NRXN3: variants seen among roughly 807,000 people sequenced by gnomAD.
NRXN3 encodes the protein neurexin III.
Under a neutral mutation model 137.6 loss-of-function variants are expected in NRXN3, and 32 were observed. That is an observed-to-expected ratio of 0.23 (90% CI 0.18 to 0.31). The LOEUF (loss-of-function observed/expected upper bound fraction) is 0.31, where lower values mean the gene tolerates loss of function less well. Ranked by LOEUF, NRXN3 falls within the 10% of genes least tolerant of loss-of-function variation. The pLI is 1.00. For synonymous variants in NRXN3, 798 were observed against 784.5 expected (o/e 1.02, Z -0.29); for missense variants, 1,574 against 2,062.5 (o/e 0.76, Z 4.59).
At chr14:78,551,243 T>C (rs1449306505) in intron 4 of NRXN3, among the ~76,000 whole-genome samples, 1 of 152,250 alleles carries the variant, frequency 6.6e-6, no homozygotes, top group African/African-American at 2.4e-5. Context: ...CAAGACTTGC[T>C]GTATTCCTAT....
At chr14:79,699,819 T>C (rs1555641352) in intron 19 of NRXN3, among the ~76,000 whole-genome samples, 1 of 151,990 alleles carries the variant, frequency 6.6e-6, no homozygotes, top group Non-Finnish European at 1.5e-5. Context: ...TGCTTTTCCT[T>C]TTACTTCCAC....
intron 4 of NRXN3, among the ~76,000 whole-genome samples, chr14:78,495,084 C>CT (rs5809891): frequency 0.059 from 6,878 of 115,816 alleles, 212 homozygotes; most frequent in Middle Eastern, 0.087. Flanking sequence ...ATATTCTTGA[C>CT]TTTTTTTTTT....
At chr14:79,673,488 A>C (rs959613281) in intron 17 of NRXN3, among the ~76,000 whole-genome samples, 20 of 152,100 alleles carry the variant, frequency 1.3e-4, no homozygotes, top group African/African-American at 4.8e-4. Context: ...GCTAGCAAAA[A>C]ATTTATATTG....
chr14:78,483,654 A>G (rs2192416), intron 4 of NRXN3, among the ~76,000 whole-genome samples: 125,937 of 152,174 alleles, frequency 0.83, 54,136 homozygotes, highest in Non-Finnish European at 0.94. Flanking sequence ...CCTCTTTCCA[A>G]TGGCATAGAG....
In NRXN3 at chr14:78,279,878, T is replaced by A. The variant is rs578101751; in HGVS notation, c.727+1216T>A. On this transcript the variant is annotated intron_variant, in intron 3 of 20. Transcript: ENST00000335750. ...AAATGTCTAAAATAATCAACCAGAC[T>A]TAAGTAGGGTTCTTCTGATCATTGT... Among the ~76,000 whole-genome samples the A allele has an allele frequency of 3.3e-5, 5 of 152,326 alleles. No homozygotes were observed. In the South Asian group the frequency reaches 8.3e-4, roughly 25 times the overall value.
At chr14:78,216,968 C>T (rs1377984495) in intron 1 of NRXN3, among the ~76,000 whole-genome samples, 1 of 152,166 alleles carries the variant, frequency 6.6e-6, no homozygotes, top group African/African-American at 2.4e-5. Context: ...ATTAGATTTG[C>T]AGCCCGGCCT....
At chr14:79,464,856 A>C (rs1430237221) in intron 15 of NRXN3, among the ~76,000 whole-genome samples, 1 of 152,170 alleles carries the variant, frequency 6.6e-6, no homozygotes, top group Non-Finnish European at 1.5e-5. Context: ...GTTAAGATAT[A>C]AAATATCCCA....
At chr14:79,021,563 T>A (rs2099589680) in intron 15 of NRXN3, among the ~76,000 whole-genome samples, 1 of 152,144 alleles carries the variant, frequency 6.6e-6, no homozygotes, top group Non-Finnish European at 1.5e-5. Context: ...TATGGATGAG[T>A]GTGATTCAGC....
At chr14:78,189,330 G>C (rs543280852) in intron 1 of NRXN3, among the ~76,000 whole-genome samples, 1 of 152,220 alleles carries the variant, frequency 6.6e-6, no homozygotes, top group South Asian at 2.1e-4. Flanking sequence ...CCTTTAATAA[G>C]TAGGTCAGAT....
intron 15 of NRXN3, among the ~76,000 whole-genome samples, chr14:79,276,214 C>T (rs1175545344): frequency 1.3e-5 from 2 of 152,034 alleles, no homozygotes; most frequent in African/African-American, 4.8e-5. Context: ...CTAATATAGG[C>T]TCTAAAAGAC....
chr14:78,297,912 T>G, intron 4 of NRXN3, 52 bp downstream of exon 4: 1 of 1,534,656 alleles, frequency 6.5e-7, no homozygotes, highest in African/African-American at 1.4e-5. Flanking sequence ...CTTGCCTCCG[T>G]GCCTCTGGCT....
intron 8 of NRXN3, among the ~76,000 whole-genome samples, chr14:78,721,613 T>C (rs148702421): frequency 6.6e-6 from 1 of 152,226 alleles, no homozygotes; most frequent in Non-Finnish European, 1.5e-5. Flanking sequence ...TCTCCCTGAT[T>C]CATTCATCCA....
At chr14:79,713,910 T>G (rs1008998862) in intron 19 of NRXN3, among the ~76,000 whole-genome samples, 1 of 152,034 alleles carries the variant, frequency 6.6e-6, no homozygotes, top group African/African-American at 2.4e-5. Flanking sequence ...GGATTAGAAT[T>G]GTCACTCTGG....
intron 17 of NRXN3, among the ~76,000 whole-genome samples, chr14:79,687,153 A>G (rs1305705232): frequency 1.3e-5 from 2 of 152,222 alleles, no homozygotes; most frequent in Admixed American, 6.5e-5. Context: ...GATGATGCTT[A>G]TAATTGCATT....
rs190280716 is a variant in NRXN3, at chr14:79,795,244, A to G, written c.4015-9868A>G. 1.5e-3 allele frequency among the ~76,000 whole-genome samples: 228 copies of G among 152,336 alleles called. 3 individuals are homozygous for G. The South Asian group carries it at 0.021, about 14-fold the overall frequency. On this transcript the variant is annotated intron_variant, in intron 19 of 20. Coordinates refer to ENST00000335750, the MANE Select transcript of NRXN3 (RefSeq NM_001330195.2). ...TGCTTTTGTAAATTATTTTGAATCAATATCTAAGATGGGTTTATCTATTTA... is the reference window on the plus strand; with the variant it reads ...TGCTTTTGTAAATTATTTTGAATCAGTATCTAAGATGGGTTTATCTATTTA...
chr14:79,605,488 C>T lies in NRXN3; in HGVS notation c.3445-58290C>T, dbSNP rs117037769. Among the ~76,000 whole-genome samples the T allele has an allele frequency of 0.012, 1,799 of 151,976 alleles. 115 individuals are homozygous for T. The East Asian group carries it at 0.21, about 17-fold the overall frequency. ...CTTTGCAGATGCTGTCAAGATACTG[C>T]ACTTTTTTTTCTTTTTTGAGACAGA... On this transcript the variant is annotated intron_variant, in intron 16 of 20. Transcript: ENST00000335750.
At chr14:78,244,983 A>G (rs148120879) in intron 2 of NRXN3, among the ~76,000 whole-genome samples, 1 of 152,344 alleles carries the variant, frequency 6.6e-6, no homozygotes, top group East Asian at 1.9e-4. Context: ...AACTTGACAA[A>G]TACTTAAAAT....
intron 10 of NRXN3, among the ~76,000 whole-genome samples, chr14:78,890,160 C>G (rs1267952269): frequency 2.0e-5 from 3 of 151,810 alleles, no homozygotes; most frequent in Admixed American, 2.0e-4. Flanking sequence ...TTGTTTTAAG[C>G]CAGTGAGTTT....
rs376473506 is a variant in NRXN3 at position 79,756,335 on chromosome 14, C to T, written c.4015-48777C>T. Among the ~76,000 whole-genome samples the T allele has an allele frequency of 3.3e-5, 5 of 152,272 alleles. No homozygotes were observed. The South Asian group carries it at 6.2e-4, about 19-fold the overall frequency. Reference sequence around the variant, plus strand: ...ATCATCATATAAATCAGAAATGGGTCATCTTGCCTTTGAGTCATTTATAAA... The same window carrying T: ...ATCATCATATAAATCAGAAATGGGTTATCTTGCCTTTGAGTCATTTATAAA... On this transcript the variant is annotated intron_variant, in intron 19 of 20. Coordinates refer to ENST00000335750, the MANE Select transcript of NRXN3 (RefSeq NM_001330195.2).
Sources: allele counts gnomAD v4.1 joint callset (sites outside exome capture counted in the v4.1 genomes callset), GRCh38; gene constraint gnomAD v4.1.1; transcripts MANE v1.5; gene names NCBI Gene and HGNC (gene_info 2026-07-23, HGNC 2026-07-21).